CDKAL1: variants seen among roughly 807,000 people sequenced by gnomAD.
CDKAL1 encodes the protein CDKAL1 threonylcarbamoyladenosine tRNA methylthiotransferase, also known as threonylcarbamoyladenosine tRNA methylthiotransferase.
In CDKAL1, 32 loss-of-function variants were observed where a neutral mutation model predicts 68.2. That is an observed-to-expected ratio of 0.47 (90% CI 0.35 to 0.63). CDKAL1 has a LOEUF of 0.63. Ranked by LOEUF, CDKAL1 falls within the 30% of genes least tolerant of loss-of-function variation. The pLI is 0.00. For synonymous variants in CDKAL1, 234 were observed against 244.3 expected (o/e 0.96, Z 0.39); for missense variants, 606 against 696.7 (o/e 0.87, Z 1.47).
intron 5 of CDKAL1, among the ~76,000 whole-genome samples, chr6:20,680,939 G>A (rs1055319828): frequency 2.0e-5 from 3 of 152,204 alleles, no homozygotes; most frequent in African/African-American, 7.2e-5. Flanking sequence ...ACATCAGGAT[G>A]TGACTTCGAG....
At position 21,181,182 on chromosome 6, in the gene CDKAL1, A is replaced by G. The variant is rs571246061; in HGVS notation, c.1300-16839A>G. ...ACCAACTCCGGAGATAGCAACTTTA[A>G]TCCTTCACAGGGTGGAGCCTAAGCT... is the stretch of plus-strand genomic sequence containing the variant. On this transcript the variant is annotated intron_variant, in intron 13 of 15. Coordinates refer to ENST00000274695, the MANE Select transcript of CDKAL1 (RefSeq NM_017774.3). Among the ~76,000 whole-genome samples, 9 of 152,330 alleles carry G rather than the reference A, an allele frequency of 5.9e-5. No individual in the cohort carries two copies. In the East Asian group the frequency reaches 1.5e-3, roughly 26 times the overall value.
At chr6:20,561,603 CT>C (rs1458269309) in intron 4 of CDKAL1, among the ~76,000 whole-genome samples, 1 of 151,882 alleles carries the variant, frequency 6.6e-6, no homozygotes, top group Non-Finnish European at 1.5e-5. Context: ...AGTGGTAGTC[CT>C]TTCTGAAGAT....
intron 10 of CDKAL1, among the ~76,000 whole-genome samples, chr6:20,959,250 T>C (rs555287517): frequency 1.3e-4 from 20 of 152,200 alleles, no homozygotes; most frequent in Non-Finnish European, 1.9e-4. Context: ...AAAAACAATA[T>C]AGGATTCATT....
intron 12 of CDKAL1, among the ~76,000 whole-genome samples, chr6:21,085,038 T>C (rs1772618170): frequency 6.6e-6 from 1 of 152,220 alleles, no homozygotes; most frequent in Non-Finnish European, 1.5e-5. Flanking sequence ...TGAAATCCTA[T>C]CCTATTAACA....
intron 4 of CDKAL1, among the ~76,000 whole-genome samples, chr6:20,574,123 T>G (rs958722982): frequency 2.0e-5 from 3 of 152,192 alleles, no homozygotes; most frequent in Non-Finnish European, 4.4e-5. Flanking sequence ...CCTCATGGAT[T>G]GTTTCATAAA....
chr6:20,817,101 A>G (rs1213252364), intron 8 of CDKAL1, among the ~76,000 whole-genome samples: 2 of 152,160 alleles, frequency 1.3e-5, no homozygotes, highest in Admixed American at 6.6e-5. Flanking sequence ...ACCATGTTAA[A>G]TACTAGAAAA....
At chr6:20,774,759 A>G (rs1775102199) in intron 7 of CDKAL1, among the ~76,000 whole-genome samples, 1 of 152,204 alleles carries the variant, frequency 6.6e-6, no homozygotes, top group Non-Finnish European at 1.5e-5. Context: ...AAATTTTTAC[A>G]ATGTATAATA....
intron 13 of CDKAL1, among the ~76,000 whole-genome samples, chr6:21,179,683 C>T (rs1777717876): frequency 6.6e-6 from 1 of 152,128 alleles, no homozygotes; most frequent in Non-Finnish European, 1.5e-5. Context: ...TAGTCTTTTT[C>T]CACATATACT....
At chr6:21,229,709 C>G (rs1201187617) in intron 15 of CDKAL1, among the ~76,000 whole-genome samples, 1 of 152,206 alleles carries the variant, frequency 6.6e-6, no homozygotes, top group Non-Finnish European at 1.5e-5. Flanking sequence ...CTTCCACACC[C>G]CTCCTTCCAT....
chr6:20,947,983 G>GT (rs1177784412), intron 9 of CDKAL1, among the ~76,000 whole-genome samples: 1 of 126,268 alleles, frequency 7.9e-6, no homozygotes, highest in African/African-American at 3.0e-5. Flanking sequence ...TTTCAGTTCT[G>GT]TTTGACTGTA....
intron 11 of CDKAL1, among the ~76,000 whole-genome samples, chr6:21,017,929 A>T (rs1768432936): frequency 6.6e-6 from 1 of 152,188 alleles, no homozygotes; most frequent in Non-Finnish European, 1.5e-5. Flanking sequence ...TGAGGTTACC[A>T]ACACTTTTAG....
At chr6:20,897,325 C>G (rs1334612277) in intron 9 of CDKAL1, among the ~76,000 whole-genome samples, 1 of 152,060 alleles carries the variant, frequency 6.6e-6, no homozygotes, top group African/African-American at 2.4e-5. Context: ...TTCCTGACCC[C>G]CAGTAGGAAT....
intron 8 of CDKAL1, among the ~76,000 whole-genome samples, chr6:20,831,882 G>A (rs572842836): frequency 3.2e-4 from 49 of 152,162 alleles, no homozygotes; most frequent in Middle Eastern, 3.4e-3. Flanking sequence ...TGAGTTCTTC[G>A]GCATCTTCTC....
chr6:21,123,956 A>T (rs976578255), intron 13 of CDKAL1, among the ~76,000 whole-genome samples: 11 of 152,244 alleles, frequency 7.2e-5, no homozygotes, highest in Non-Finnish European at 1.5e-4. Flanking sequence ...CGTCTTAGGA[A>T]TACCTTTCTA....
At chr6:20,881,189 G>A (rs923062861) in intron 9 of CDKAL1, among the ~76,000 whole-genome samples, 7 of 152,152 alleles carry the variant, frequency 4.6e-5, no homozygotes, top group African/African-American at 1.7e-4. Flanking sequence ...AACAAAGATT[G>A]CTGGACCCCA....
intron 12 of CDKAL1, among the ~76,000 whole-genome samples, chr6:21,093,813 C>A (rs1348480325): frequency 6.8e-6 from 1 of 146,548 alleles, no homozygotes; most frequent in Non-Finnish European, 1.5e-5. Flanking sequence ...CCTTGAACTC[C>A]CAGGCTCAAG....
At chr6:21,102,034 A>G (rs1771763418) in intron 12 of CDKAL1, among the ~76,000 whole-genome samples, 1 of 152,114 alleles carries the variant, frequency 6.6e-6, no homozygotes. Flanking sequence ...TATCTTTAAC[A>G]CCATTAGGAA....
intron 4 of CDKAL1, among the ~76,000 whole-genome samples, chr6:20,595,355 G>A (rs927864582): frequency 2.6e-5 from 4 of 152,064 alleles, no homozygotes; most frequent in Non-Finnish European, 4.4e-5. Context: ...AGTTCTTGGA[G>A]GCCTTGTTCA....
At chr6:20,973,465 G>A (rs1327968552) in intron 10 of CDKAL1, among the ~76,000 whole-genome samples, 1 of 152,192 alleles carries the variant, frequency 6.6e-6, no homozygotes, top group Non-Finnish European at 1.5e-5. Context: ...ACTTTCCAAA[G>A]GCTGTGGAGG....
Sources: allele counts gnomAD v4.1 joint callset (sites outside exome capture counted in the v4.1 genomes callset), GRCh38; gene constraint gnomAD v4.1.1; transcripts MANE v1.5; gene names NCBI Gene and HGNC (gene_info 2026-07-23, HGNC 2026-07-21).